The following CHRM3 variants were observed in gnomAD, a reference collection of about 807,000 sequenced individuals.
The protein encoded by CHRM3 is muscarinic acetylcholine receptor M3.
Under a neutral mutation model 41.8 loss-of-function variants are expected in CHRM3, and 11 were observed. The observed-to-expected ratio is 0.26, with a 90% CI of 0.17 to 0.44. CHRM3 has a LOEUF of 0.44. Ranked by LOEUF, CHRM3 falls within the 20% of genes least tolerant of loss-of-function variation. The probability of loss-of-function intolerance (pLI) is 1.00; values close to 1 mark genes in which losing one functional copy is unlikely to be tolerated. For synonymous variants in CHRM3, 297 were observed against 301.4 expected, an observed-to-expected ratio of 0.99 and a Z score of 0.15; for missense variants, 571 against 745.4, an observed-to-expected ratio of 0.77 and a Z score of 2.72.
At chr1:239,456,414 T>G (rs118142588) in intron 1 of CHRM3, among the ~76,000 whole-genome samples, 1 of 152,212 alleles carries the variant, frequency 6.6e-6, no homozygotes, top group Non-Finnish European at 1.5e-5. Flanking sequence ...ACCTACATTA[T>G]TCAGGGCAGT....
rs568115932 is a variant in CHRM3 at position 239,636,117 on chromosome 1, G to A, written c.-250+3831G>A. Among the ~76,000 whole-genome samples, 14 of 152,238 alleles carry A rather than the reference G, an allele frequency of 9.2e-5. No individual in the cohort carries two copies. In the East Asian group the frequency reaches 1.9e-3, roughly 21 times the overall value. ...CTATAATATTGGGCGACAGGGCTCC[G>A]TTCTTTGGATCTTACATAGATTTAT... On this transcript the variant is annotated intron_variant, in intron 4 of 6. Coordinates refer to ENST00000676153, the MANE Select transcript of CHRM3 (RefSeq NM_001375978.1).
At chr1:239,695,332 A>G (rs1660087386) in intron 5 of CHRM3, among the ~76,000 whole-genome samples, 1 of 152,194 alleles carries the variant, frequency 6.6e-6, no homozygotes. Context: ...TACAGAAAAT[A>G]CCATCTTATT....
intron 1 of CHRM3, among the ~76,000 whole-genome samples, chr1:239,488,578 G>C (rs1033893250): frequency 6.6e-6 from 1 of 151,740 alleles, no homozygotes; most frequent in Non-Finnish European, 1.5e-5. Flanking sequence ...AGCTGTGTGT[G>C]GTGGCAGGCG....
chr1:239,464,786 C>G (rs1665604922), intron 1 of CHRM3, among the ~76,000 whole-genome samples: 1 of 152,096 alleles, frequency 6.6e-6, no homozygotes, highest in Non-Finnish European at 1.5e-5. Context: ...CCAAGCCACC[C>G]CATAAAAAGT....
At chr1:239,462,012 C>T (rs1050198260) in intron 1 of CHRM3, among the ~76,000 whole-genome samples, 2 of 152,292 alleles carry the variant, frequency 1.3e-5, no homozygotes, top group Non-Finnish European at 2.9e-5. Context: ...TACCGCTTCT[C>T]TCAGCTGGAT....
At position 239,458,895 on chromosome 1, in the gene CHRM3, C is replaced by T. The variant is rs577194547; in HGVS notation, c.-520-33814C>T. On this transcript the variant is annotated intron_variant, in intron 1 of 6. Transcript: ENST00000676153. ...GAAAGAAGAAATGGGAGACCCCCCC[C>T]CATCAGGGTGGAACTCTTCCGGCTA... is the stretch of plus-strand genomic sequence containing the variant. Among the ~76,000 whole-genome samples the T allele has an allele frequency of 7.7e-3, 1,145 of 149,516 alleles. 11 individuals are homozygous for T. The highest frequency in any genetic ancestry group is 0.027 in the African/African-American group (1,077 of 40,602).
At chr1:239,690,817 T>A (rs950747384) in intron 5 of CHRM3, among the ~76,000 whole-genome samples, 5 of 150,854 alleles carry the variant, frequency 3.3e-5, no homozygotes, top group East Asian at 1.9e-4. Context: ...CTGAAAAATT[T>A]TATATATATA....
chr1:239,677,397 A>C (rs1658119213), intron 4 of CHRM3, among the ~76,000 whole-genome samples: 1 of 152,224 alleles, frequency 6.6e-6, no homozygotes, highest in South Asian at 2.1e-4. Flanking sequence ...GCCATAAAAC[A>C]TTAGGGGGAA....
At chr1:239,476,942 G>A (rs1666507728) in intron 1 of CHRM3, among the ~76,000 whole-genome samples, 1 of 152,138 alleles carries the variant, frequency 6.6e-6, no homozygotes, top group South Asian at 2.1e-4. Context: ...CAAGGGATTA[G>A]AGGACACACA....
chr1:239,645,629 C>T (rs373184128), intron 4 of CHRM3, among the ~76,000 whole-genome samples: 23 of 152,074 alleles, frequency 1.5e-4, no homozygotes, highest in Non-Finnish European at 2.6e-4. Flanking sequence ...ACAAACACAA[C>T]GCAGAAAAGC....
At chr1:239,841,548 A>G (rs915626514) in intron 6 of CHRM3, among the ~76,000 whole-genome samples, 8 of 152,208 alleles carry the variant, frequency 5.3e-5, no homozygotes, top group Admixed American at 5.2e-4. Context: ...TTCTGCCATG[A>G]AAAGAAGTCC....
intron 2 of CHRM3, among the ~76,000 whole-genome samples, chr1:239,523,801 A>C (rs1467174287): frequency 6.6e-6 from 1 of 152,236 alleles, no homozygotes; most frequent in Non-Finnish European, 1.5e-5. Flanking sequence ...GGGATAAAAC[A>C]GTATGATGGC....
At chr1:239,488,930 C>T (rs1347821158) in intron 1 of CHRM3, among the ~76,000 whole-genome samples, 2 of 151,950 alleles carry the variant, frequency 1.3e-5, no homozygotes, top group African/African-American at 2.4e-5. Context: ...GTAGTTACTT[C>T]TAGAAAATAG....
chr1:239,582,717 A>G (rs1199211721), intron 3 of CHRM3, among the ~76,000 whole-genome samples: 1 of 152,248 alleles, frequency 6.6e-6, no homozygotes, highest in East Asian at 1.9e-4. Flanking sequence ...TTCCTGGGTT[A>G]CTAAAACAGC....
chr1:239,455,417 G>A (rs1664858499), intron 1 of CHRM3, among the ~76,000 whole-genome samples: 1 of 151,758 alleles, frequency 6.6e-6, no homozygotes, highest in African/African-American at 2.4e-5. Flanking sequence ...GGGTGTTCCA[G>A]AAGAAGGCAT....
intron 6 of CHRM3, among the ~76,000 whole-genome samples, chr1:239,867,572 G>A (rs1414437814): frequency 6.6e-6 from 1 of 151,986 alleles, no homozygotes; most frequent in Non-Finnish European, 1.5e-5. Context: ...TGTAATCCCA[G>A]CTACTTGGGA....
At chr1:239,454,475 T>C (rs11810648) in intron 1 of CHRM3, among the ~76,000 whole-genome samples, 3 of 151,750 alleles carry the variant, frequency 2.0e-5, no homozygotes, top group Admixed American at 6.6e-5. Context: ...CTTTTTTTTT[T>C]CTTTTTTTTT....
chr1:239,621,315 A>G (rs1049290808), intron 3 of CHRM3, among the ~76,000 whole-genome samples: 3 of 152,130 alleles, frequency 2.0e-5, no homozygotes, highest in Non-Finnish European at 4.4e-5. Flanking sequence ...AGTCACAACA[A>G]TATTGAAATT....
At chr1:239,772,213 C>T (rs1396984357) in intron 5 of CHRM3, among the ~76,000 whole-genome samples, 2 of 152,108 alleles carry the variant, frequency 1.3e-5, no homozygotes, top group Non-Finnish European at 2.9e-5. Context: ...TGCAATGGCG[C>T]AATCTCAGCT....
Sources: allele counts gnomAD v4.1 joint callset (sites outside exome capture counted in the v4.1 genomes callset), GRCh38; gene constraint gnomAD v4.1.1; transcripts MANE v1.5; gene names NCBI Gene and HGNC (gene_info 2026-07-23, HGNC 2026-07-21).